Variants in UBR1 observed in about 807,000 individuals in gnomAD.
The protein encoded by UBR1 is ubiquitin protein ligase E3 component n-recognin 1.
UBR1 carries 102 observed loss-of-function variants against 242.1 expected under a neutral mutation model. The ratio of observed to expected loss-of-function variants is 0.42; its 90% CI spans 0.36 to 0.50. The LOEUF (loss-of-function observed/expected upper bound fraction) is 0.50, where lower values mean the gene tolerates loss of function less well. UBR1 is among the 20% of genes least tolerant of loss of function. UBR1 has a pLI of 0.01. For synonymous variants in UBR1, 675 were observed against 684.8 expected, an observed-to-expected ratio of 0.99 and a Z score of 0.22; for missense variants, 1,772 against 2,101.8, an observed-to-expected ratio of 0.84 and a Z score of 3.07.
chr15:43,022,678 T>TGTA, intron 26 of UBR1, 24 bp downstream of exon 26: 1 of 1,504,056 alleles, frequency 6.6e-7, no homozygotes, highest in Non-Finnish European at 9.2e-7. Context: ...GACAAATGTG[T>TGTA]TGAAGAGTGA....
chr15:43,021,514 G>T, intron 26 of UBR1, 139 bp from the exon 27 acceptor site: 1 of 731,952 alleles, frequency 1.4e-6, no homozygotes, highest in Non-Finnish European at 2.4e-6. Flanking sequence ...TGTAGTATTT[G>T]CATAAAATCT....
intron 1 of UBR1, among the ~76,000 whole-genome samples, 197 bp from the exon 2 acceptor site, chr15:43,086,437 G>GAAAAAA (rs370942763): frequency 1.3e-4 from 11 of 86,092 alleles, no homozygotes; most frequent in East Asian, 3.6e-4. Flanking sequence ...ACCAGTATCT[G>GAAAAAA]AAAAAAAAAA....
At position 42,966,227 on chromosome 15, in the gene UBR1, G is replaced by A; in HGVS notation, c.4517C>T (p.Thr1506Ile). The A allele has an allele frequency of 1.2e-6, 2 of 1,614,114 alleles. No homozygotes were observed. Among genetic ancestry groups the A allele is most frequent in the South Asian group, 2.2e-5 (2 of 91,082 alleles). ...CAATGCAGCACAGCGAAGATAAGGG[G>A]TGATGCCATTCTTCAGTGAGACCCA... The part of the protein sequence containing the change: ...YLWVSLKNGI[T>I]PYLRCAALFF... Residue 1506 changes from threonine to isoleucine, a missense_variant, in exon 41 of 47, where the codon ACC (threonine) becomes ATC (isoleucine). By Grantham distance (89) the Thr-to-Ile change is moderately conservative. Coordinates refer to ENST00000290650, the MANE Select transcript of UBR1 (RefSeq NM_174916.3).
rs1351687552 is a variant in UBR1 at position 43,002,596 on chromosome 15, A to T, written c.3618T>A (p.Thr1206=). The stretch of plus-strand genomic sequence containing the variant: ...GTTGCAAAGGAATAATGGGGATCAC[A>T]GTATTGCACAGAGATTTGCAAAGAG... The part of the protein sequence containing the change: ...LCPLCKSLCN[T]VIPIIPLQPQ... Residue 1206 remains threonine, a synonymous_variant, in exon 32 of 47, where the codon ACT becomes ACA. Coordinates refer to ENST00000290650, the MANE Select transcript of UBR1 (RefSeq NM_174916.3). The T allele has an allele frequency of 6.2e-7, 1 of 1,614,218 alleles. No homozygotes were observed. Among genetic ancestry groups the T allele is most frequent in the African/African-American group, 1.3e-5 (1 of 75,070 alleles).
chr15:42,970,631 G>T, intron 39 of UBR1, 24 bp from the exon 40 acceptor site: 1 of 1,592,776 alleles, frequency 6.3e-7, no homozygotes. Flanking sequence ...TCTGCAAGAT[G>T]AATTATGTAT....
At chr15:43,091,986 T>C (rs1290123757) in intron 1 of UBR1, 1 of 450,430 alleles carries the variant, frequency 2.2e-6, no homozygotes, top group Non-Finnish European at 4.4e-6. Flanking sequence ...TTCGGGAGGC[T>C]GAGGTGGGAG....
chr15:43,042,131 C>CA (rs1397956245), intron 15 of UBR1, among the ~76,000 whole-genome samples: 1 of 151,950 alleles, frequency 6.6e-6, no homozygotes, highest in Non-Finnish European at 1.5e-5. Flanking sequence ...GATGGTTCCT[C>CA]AAAAAACCAA....
In UBR1 at chr15:42,978,280, CTTG is replaced by C. The variant is rs1345214559; in HGVS notation, c.4151-336_4151-334del. On this transcript the variant is annotated intron_variant, in intron 37 of 46. Coordinates refer to ENST00000290650, the MANE Select transcript of UBR1 (RefSeq NM_174916.3). Reference sequence around the variant, plus strand: ...CTTTTATACAATGTTCCCTTTATCACTTGTTTTCTGACTTCCATTTCTAAACGT... The same window carrying C: ...CTTTTATACAATGTTCCCTTTATCACTTTTCTGACTTCCATTTCTAAACGT... Among the ~76,000 whole-genome samples the C allele has an allele frequency of 2.0e-5, 3 of 152,182 alleles. No homozygotes were observed. In the East Asian group the frequency reaches 5.8e-4, roughly 29 times the overall value.
chr15:42,987,587 A>C (rs1487661181), intron 35 of UBR1, among the ~76,000 whole-genome samples: 1 of 151,664 alleles, frequency 6.6e-6, no homozygotes, highest in Non-Finnish European at 1.5e-5. Context: ...GGTGGCGTGC[A>C]CCTGTAGTCC....
At chr15:43,099,425 CT>C (rs1422932544) in intron 1 of UBR1, among the ~76,000 whole-genome samples, 5 of 152,018 alleles carry the variant, frequency 3.3e-5, no homozygotes, top group Non-Finnish European at 7.4e-5. Flanking sequence ...CAATATTAAA[CT>C]TTTAAAAAAT....
chr15:42,945,187 A>C lies in UBR1; in HGVS notation c.*142T>G, dbSNP rs1298636229. 8.0e-6 allele frequency: 9 copies of C among 1,121,964 alleles called. No individual in the cohort carries two copies. The highest frequency in any genetic ancestry group is 2.8e-4 in the Middle Eastern group (1 of 3,590). The allele number at this position is 1,121,964 out of a possible 1,614,324, so 69.5% of individuals were successfully genotyped here. On this transcript the variant is annotated 3_prime_UTR_variant, in exon 47 of 47. Transcript: ENST00000290650. The stretch of plus-strand genomic sequence containing the variant: ...AATTGAAAGCAATACTCCATTAAGA[A>C]ATATTTTATTGATGTAAGTGAACCT...
chr15:43,025,272 T>G, intron 24 of UBR1, 109 bp downstream of exon 24: 1 of 1,090,380 alleles, frequency 9.2e-7, no homozygotes, highest in South Asian at 1.4e-5. Flanking sequence ...TTGCACTTCC[T>G]TGAGTTGCCC....
intron 1 of UBR1, among the ~76,000 whole-genome samples, chr15:43,093,006 T>A (rs1596141374): frequency 6.6e-6 from 1 of 151,944 alleles, no homozygotes; most frequent in Non-Finnish European, 1.5e-5. Flanking sequence ...TCAACAGGAA[T>A]AAAATTAAGA....
intron 26 of UBR1, among the ~76,000 whole-genome samples, chr15:43,022,435 C>CA (rs76731124): frequency 0.011 from 1,155 of 103,536 alleles, 12 homozygotes; most frequent in African/African-American, 0.03. Flanking sequence ...TATATGCAAC[C>CA]AAAAAAAAAA....
chr15:43,036,036 A>C, intron 19 of UBR1, 142 bp downstream of exon 19: 1 of 632,286 alleles, frequency 1.6e-6, no homozygotes. Flanking sequence ...ATATGTAACT[A>C]ACCTGCACAA....
intron 32 of UBR1, among the ~76,000 whole-genome samples, chr15:43,000,670 TAA>T (rs1210371259): frequency 3.3e-5 from 5 of 152,238 alleles, no homozygotes; most frequent in Non-Finnish European, 7.3e-5. Context: ...ACTACTGTGA[TAA>T]TTAAATAAGA....
intron 1 of UBR1, among the ~76,000 whole-genome samples, chr15:43,087,454 C>T (rs2034051795): frequency 6.6e-6 from 1 of 152,094 alleles, no homozygotes; most frequent in South Asian, 2.1e-4. Flanking sequence ...AGATAAGGTT[C>T]CATAACAGGT....
At chr15:42,972,926 G>C (rs1292858405) in intron 39 of UBR1, among the ~76,000 whole-genome samples, 4 of 152,200 alleles carry the variant, frequency 2.6e-5, no homozygotes, top group African/African-American at 7.2e-5. Context: ...CTGTCAAACT[G>C]TCTTCCAAAG....
At chr15:42,946,302 A>AT in intron 46 of UBR1, among the ~76,000 whole-genome samples, 1 of 152,048 alleles carries the variant, frequency 6.6e-6, no homozygotes, top group Non-Finnish European at 1.5e-5. Context: ...TTGTTTTTGT[A>AT]TTTTTAGTAG....
Sources: gnomAD v4.1 joint callset for allele counts (sites outside exome capture counted in the v4.1 genomes callset) on GRCh38, gnomAD v4.1.1 for gene constraint, MANE v1.5 for transcripts, NCBI Gene and HGNC (gene_info 2026-07-23, HGNC 2026-07-21) for gene names.